TNS3: variants seen among roughly 807,000 people sequenced by gnomAD.
The protein encoded by TNS3 is tensin 3.
Under a neutral mutation model 140.9 loss-of-function variants are expected in TNS3, and 45 were observed. The observed-to-expected ratio is 0.32, with a 90% CI of 0.25 to 0.41. The LOEUF is 0.41. TNS3 is among the 10% of genes least tolerant of loss of function. The pLI is 1.00. For missense variants in TNS3, 1,716 were observed against 1,906.7 expected, an observed-to-expected ratio of 0.90 and a Z score of 1.86; for synonymous variants, 815 against 788.4, an observed-to-expected ratio of 1.03 and a Z score of -0.56.
At chr7:47,567,695 A>C (rs1055309091) in intron 1 of TNS3, among the ~76,000 whole-genome samples, 1 of 151,898 alleles carries the variant, frequency 6.6e-6, no homozygotes, top group Non-Finnish European at 1.5e-5. Context: ...AAAAAAAAAA[A>C]AAAAAAAAAG....
chr7:47,565,258 T>C (rs1188376835), intron 1 of TNS3, among the ~76,000 whole-genome samples: 1 of 151,842 alleles, frequency 6.6e-6, no homozygotes, highest in Non-Finnish European at 1.5e-5. Flanking sequence ...TTTGTATTTT[T>C]AGTAGAGACG....
chr7:47,541,897 C>A (rs148167008), intron 1 of TNS3, among the ~76,000 whole-genome samples: 6,085 of 150,842 alleles, frequency 0.04, 410 homozygotes, highest in African/African-American at 0.14. Context: ...TGCAGTGAGC[C>A]GAAATTGTGC....
At chr7:47,320,935 C>T (rs1314504945) in intron 20 of TNS3, among the ~76,000 whole-genome samples, 1 of 152,156 alleles carries the variant, frequency 6.6e-6, no homozygotes, top group Non-Finnish European at 1.5e-5. Context: ...AGGGCCTGGC[C>T]CCTGGCAAGC....
At chr7:47,481,944 G>A (rs1187768251) in intron 3 of TNS3, among the ~76,000 whole-genome samples, 7 of 152,164 alleles carry the variant, frequency 4.6e-5, no homozygotes, top group East Asian at 3.9e-4. Context: ...AGTGCCTTCC[G>A]GGCAGGGTCA....
At position 47,415,125 on chromosome 7, in the gene TNS3, G is replaced by A. The variant is rs746830919; in HGVS notation, c.555C>T (p.Leu185=). The change falls in exon 11 of 31, where the codon CTC becomes CTT. Residue 185 remains leucine, a synonymous_variant. Coordinates refer to ENST00000311160, the MANE Select transcript of TNS3 (RefSeq NM_022748.12). ...CTGTGTCGAAGTTGGGGGTGCCGTG[G>A]AGGATGACAAAATGCAGGAACAGGG... ...ASPLFLHFVI[L]HGTPNFDTGG... The A allele has an allele frequency of 6.2e-7, 1 of 1,612,316 alleles. No homozygotes were observed. The highest frequency in any genetic ancestry group is 1.7e-5 in the Admixed American group (1 of 59,684).
At chr7:47,536,184 C>G (rs1275598226) in intron 1 of TNS3, among the ~76,000 whole-genome samples, 2 of 152,218 alleles carry the variant, frequency 1.3e-5, no homozygotes, top group Admixed American at 6.5e-5. Flanking sequence ...TAAAAGGGAA[C>G]GCAGTACACC....
chr7:47,480,773 T>A (rs1166891169), intron 4 of TNS3, among the ~76,000 whole-genome samples: 1 of 152,228 alleles, frequency 6.6e-6, no homozygotes. Context: ...TCCAGGTTTT[T>A]ATCACTAAGA....
intron 4 of TNS3, among the ~76,000 whole-genome samples, chr7:47,469,654 G>A (rs754452132): frequency 6.6e-6 from 1 of 152,166 alleles, no homozygotes; most frequent in Non-Finnish European, 1.5e-5. Context: ...TATCCTAAGT[G>A]CCATTAAGGG....
intron 1 of TNS3, among the ~76,000 whole-genome samples, chr7:47,552,076 C>T (rs934125040): frequency 1.3e-5 from 2 of 149,950 alleles, no homozygotes; most frequent in Non-Finnish European, 2.9e-5. Context: ...AACCTCCCCA[C>T]GCCCATCACA....
At chr7:47,336,082 G>T (rs1191301480) in intron 20 of TNS3, among the ~76,000 whole-genome samples, 1 of 151,630 alleles carries the variant, frequency 6.6e-6, no homozygotes, top group Non-Finnish European at 1.5e-5. Context: ...TCCAAATGCT[G>T]AATGCGGAAA....
intron 1 of TNS3, among the ~76,000 whole-genome samples, chr7:47,568,904 T>C (rs965336476): frequency 4.6e-5 from 7 of 152,200 alleles, no homozygotes; most frequent in Non-Finnish European, 7.3e-5. Context: ...GAGCGATAAC[T>C]TGTACCGGGA....
intron 4 of TNS3, among the ~76,000 whole-genome samples, chr7:47,472,504 G>C (rs1322003357): frequency 6.6e-6 from 1 of 152,188 alleles, no homozygotes; most frequent in African/African-American, 2.4e-5. Flanking sequence ...AGGGATATAG[G>C]GAGAAACTTT....
At chr7:47,568,684 CG>C (rs1366430797) in intron 1 of TNS3, among the ~76,000 whole-genome samples, 4 of 152,262 alleles carry the variant, frequency 2.6e-5, no homozygotes, top group Non-Finnish European at 5.9e-5. Context: ...GGTCTATGAG[CG>C]GCTGCTGTGC....
At chr7:47,523,390 C>A (rs1405351462) in intron 2 of TNS3, among the ~76,000 whole-genome samples, 3 of 152,208 alleles carry the variant, frequency 2.0e-5, no homozygotes, top group African/African-American at 4.8e-5. Flanking sequence ...AAAAACTATG[C>A]CACAGAAAGA....
intron 20 of TNS3, among the ~76,000 whole-genome samples, chr7:47,328,735 A>G (rs1788168287): frequency 6.6e-6 from 1 of 152,158 alleles, no homozygotes; most frequent in Non-Finnish European, 1.5e-5. Context: ...TCCTCAAGGC[A>G]GCCCAGGGGA....
At chr7:47,385,075 C>T (rs115840588) in intron 16 of TNS3, among the ~76,000 whole-genome samples, 2,254 of 152,324 alleles carry the variant, frequency 0.015, 53 homozygotes, top group African/African-American at 0.05. Context: ...GGTCAAGTGA[C>T]GCCACAGCCA....
intron 1 of TNS3, among the ~76,000 whole-genome samples, 173 bp from the exon 2 acceptor site, chr7:47,529,320 G>A (rs964961054): frequency 2.6e-5 from 4 of 152,092 alleles, no homozygotes; most frequent in Non-Finnish European, 2.9e-5. Context: ...TTCCCAAGAC[G>A]ACCCACGGAT....
intron 12 of TNS3, among the ~76,000 whole-genome samples, chr7:47,413,077 C>A (rs1461772073): frequency 6.6e-6 from 1 of 151,776 alleles, no homozygotes; most frequent in African/African-American, 2.4e-5. Flanking sequence ...CCTCAGCCTC[C>A]CAAGCAGCTG....
intron 2 of TNS3, among the ~76,000 whole-genome samples, chr7:47,520,518 G>C (rs913334520): frequency 2.0e-5 from 3 of 152,194 alleles, no homozygotes; most frequent in Non-Finnish European, 4.4e-5. Flanking sequence ...CCAGACCGTT[G>C]AGAAACATCT....
Sources: allele counts gnomAD v4.1 joint callset (sites outside exome capture counted in the v4.1 genomes callset), GRCh38; gene constraint gnomAD v4.1.1; transcripts MANE v1.5; gene names NCBI Gene and HGNC (gene_info 2026-07-23, HGNC 2026-07-21).